DAPP1: variants seen among roughly 807,000 people sequenced by gnomAD.
The protein encoded by DAPP1 is dual adaptor of phosphotyrosine and 3-phosphoinositides 1, also known as dual adapter for phosphotyrosine and 3-phosphotyrosine and 3-phosphoinositide.
Under a neutral mutation model 41.5 loss-of-function variants are expected in DAPP1, and 20 were observed. The observed-to-expected ratio is 0.48, with a 90% CI of 0.34 to 0.70. The LOEUF is 0.70. Among genes scored for constraint, DAPP1 ranks in the 30% least tolerant of loss-of-function variants. DAPP1 has a pLI of 0.01. For synonymous variants in DAPP1, 113 were observed against 116.2 expected (o/e 0.97, Z 0.18); for missense variants, 233 against 333.4 (o/e 0.70, Z 2.35).
intron 5 of DAPP1, among the ~76,000 whole-genome samples, chr4:99,862,353 C>A (rs1196211936): frequency 6.6e-6 from 1 of 152,048 alleles, no homozygotes; most frequent in Non-Finnish European, 1.5e-5. Flanking sequence ...ACATTGACAC[C>A]CAGGATAGAG....
At position 99,861,579 on chromosome 4, in the gene DAPP1, TG is replaced by T; in HGVS notation, c.494del (p.Gly165AlafsTer29). 6.4e-7 allele frequency: 1 copy of T among 1,571,630 alleles called. No individual in the cohort carries two copies. Among genetic ancestry groups the T allele is most frequent in the Non-Finnish European group, 8.6e-7 (1 of 1,157,360 alleles). On this transcript the variant is annotated frameshift_variant and splice_region_variant, in exon 5 of 9. Coordinates refer to ENST00000512369, the MANE Select transcript of DAPP1 (RefSeq NM_014395.3). LOFTEE classifies it high-confidence loss of function. The stretch of plus-strand genomic sequence containing the variant: ...TCACTCAGTGCTTTTCTTTTTCAGC[TG>T]GGCACCAAAGAAGGTTACCTCACCA... ...EDDLVPTAPSLGTKEGYLTKQ... is the reference protein window; with the variant it reads ...EDDLVPTAPSXGTKEGYLTKQ...
chr4:99,840,783 A>C (rs1486824055), intron 3 of DAPP1, among the ~76,000 whole-genome samples: 1 of 152,228 alleles, frequency 6.6e-6, no homozygotes. Context: ...TAAAATTCCC[A>C]CTTAAATGTT....
chr4:99,861,206 T>A (rs1724223882), intron 4 of DAPP1, among the ~76,000 whole-genome samples: 1 of 152,248 alleles, frequency 6.6e-6, no homozygotes, highest in South Asian at 2.1e-4. Context: ...TTAGTTTTCT[T>A]AATCCAGTCT....
At chr4:99,865,942 A>AT (rs1724426655) in intron 7 of DAPP1, 92 bp from the exon 8 acceptor site, 1 of 73,618 alleles carries the variant, frequency 1.4e-5, no homozygotes, top group Admixed American at 1.9e-4. Flanking sequence ...ATAATATATT[A>AT]TATTATATAT....
chr4:99,827,602 C>G (rs943447605), intron 1 of DAPP1, among the ~76,000 whole-genome samples: 2 of 151,500 alleles, frequency 1.3e-5, no homozygotes, highest in African/African-American at 4.9e-5. Flanking sequence ...AAGGAAATGA[C>G]CTAATTGGAA....
At chr4:99,839,352 TATATATATAG>T (rs1190151207) in intron 2 of DAPP1, among the ~76,000 whole-genome samples, 4 of 142,138 alleles carry the variant, frequency 2.8e-5, no homozygotes, top group African/African-American at 8.0e-5. Context: ...GAGGCAGATA[TATATATATAG>T]ATATATATAG....
chr4:99,826,572 T>C (rs1156504597), intron 1 of DAPP1, among the ~76,000 whole-genome samples: 2 of 152,228 alleles, frequency 1.3e-5, no homozygotes, highest in African/African-American at 4.8e-5. Context: ...AAATATACTA[T>C]CTAAATGGAT....
intron 4 of DAPP1, among the ~76,000 whole-genome samples, chr4:99,856,024 A>G (rs1724032842): frequency 1.3e-5 from 2 of 152,334 alleles, no homozygotes; most frequent in Non-Finnish European, 1.5e-5. Context: ...ATTGCTATTT[A>G]TGTCTTATAA....
chr4:99,856,979 G>C (rs1316786962), intron 4 of DAPP1, among the ~76,000 whole-genome samples: 1 of 152,172 alleles, frequency 6.6e-6, no homozygotes, highest in Admixed American at 6.5e-5. Context: ...TTCCAAGGCT[G>C]CTTGTATAAG....
intron 4 of DAPP1, among the ~76,000 whole-genome samples, chr4:99,856,479 CT>C (rs1199352153): frequency 6.6e-6 from 1 of 152,006 alleles, no homozygotes; most frequent in East Asian, 1.9e-4. Context: ...ATGAAGTGAG[CT>C]AGAGGAAAAG....
At chr4:99,866,611 A>G in intron 8 of DAPP1, 1 of 766,046 alleles carries the variant, frequency 1.3e-6, no homozygotes, top group East Asian at 2.4e-5. Flanking sequence ...TCCCGAGGAG[A>G]AGACTGAGTG....
intron 3 of DAPP1, among the ~76,000 whole-genome samples, chr4:99,846,738 A>G (rs1322066028): frequency 6.6e-6 from 1 of 152,240 alleles, no homozygotes; most frequent in Non-Finnish European, 1.5e-5. Context: ...CACTCCAAAA[A>G]TAGTGACTTG....
intron 3 of DAPP1, among the ~76,000 whole-genome samples, chr4:99,848,419 C>T (rs1247480794): frequency 2.6e-5 from 4 of 151,358 alleles, no homozygotes; most frequent in South Asian, 2.1e-4. Context: ...TTAGTAAAGA[C>T]GGGGTTTCAC....
At chr4:99,842,894 C>T (rs1252346285) in intron 3 of DAPP1, among the ~76,000 whole-genome samples, 4 of 148,554 alleles carry the variant, frequency 2.7e-5, no homozygotes, top group African/African-American at 5.2e-5. Flanking sequence ...CTCTGTCGCC[C>T]AGGCTGGAGT....
At position 99,857,960 on chromosome 4, in the gene DAPP1, T is replaced by C. The variant is rs193076120; in HGVS notation, c.490-3618T>C. On this transcript the variant is annotated intron_variant, in intron 4 of 8. Coordinates refer to ENST00000512369, the MANE Select transcript of DAPP1 (RefSeq NM_014395.3). ...CAAAGTTACAGAATAATTGCTAGAATAGTACACAGAACTTGGTTTTCCCCA... is the reference window on the plus strand; with the variant it reads ...CAAAGTTACAGAATAATTGCTAGAACAGTACACAGAACTTGGTTTTCCCCA... Among the ~76,000 whole-genome samples the C allele has an allele frequency of 6.6e-5, 10 of 152,344 alleles. No individual in the cohort carries two copies. In the East Asian group the frequency reaches 7.7e-4, roughly 12 times the overall value.
At chr4:99,858,999 G>T (rs1261751687) in intron 4 of DAPP1, among the ~76,000 whole-genome samples, 2 of 151,964 alleles carry the variant, frequency 1.3e-5, no homozygotes, top group Non-Finnish European at 2.9e-5. Flanking sequence ...CCTGGGTTCA[G>T]GTGACTCTCC....
At chr4:99,850,147 C>T (rs186042759) in intron 3 of DAPP1, among the ~76,000 whole-genome samples, 181 of 152,314 alleles carry the variant, frequency 1.2e-3, no homozygotes, top group African/African-American at 4.1e-3. Flanking sequence ...CAGTGGCTCA[C>T]GCCTGTAATC....
intron 2 of DAPP1, among the ~76,000 whole-genome samples, chr4:99,838,579 C>T (rs1303619844): frequency 6.6e-6 from 1 of 152,130 alleles, no homozygotes; most frequent in Non-Finnish European, 1.5e-5. Flanking sequence ...AGATCCTTCA[C>T]ATGTGCAGTT....
At chr4:99,850,301 T>C (rs1723809395) in intron 3 of DAPP1, among the ~76,000 whole-genome samples, 2 of 151,982 alleles carry the variant, frequency 1.3e-5, no homozygotes, top group South Asian at 4.2e-4. Flanking sequence ...TCCCAGCTAC[T>C]TGGGAGGCAG....
Sources: allele counts gnomAD v4.1 joint callset (sites outside exome capture counted in the v4.1 genomes callset), GRCh38; gene constraint gnomAD v4.1.1; transcripts MANE v1.5; gene names NCBI Gene and HGNC (gene_info 2026-07-23, HGNC 2026-07-21).